PREPL: variants seen among roughly 807,000 people sequenced by gnomAD.
PREPL encodes the protein prolyl endopeptidase like.
Under a neutral mutation model 70.6 loss-of-function variants are expected in PREPL, and 77 were observed. The observed-to-expected ratio is 1.09, with a 90% CI of 0.91 to 1.32. The LOEUF (loss-of-function observed/expected upper bound fraction) is 1.32. Ranked by LOEUF, PREPL falls within the 40% of genes most tolerant of loss-of-function variation. The probability of loss-of-function intolerance (pLI) is 0.00; values close to 1 mark genes in which losing one functional copy is unlikely to be tolerated. For synonymous variants in PREPL, 315 were observed against 264.8 expected (o/e 1.19, Z -1.84); for missense variants, 1,002 against 778.2 (o/e 1.29, Z -3.42).
intron 8 of PREPL, among the ~76,000 whole-genome samples, chr2:44,332,063 C>T (rs936948181): frequency 4.6e-5 from 7 of 151,536 alleles, no homozygotes; most frequent in Admixed American, 3.3e-4. Context: ...TCTCCTGCCT[C>T]AGCCTCCCAA....
chr2:44,352,913 C>T (rs974089942), intron 1 of PREPL, among the ~76,000 whole-genome samples: 2 of 152,052 alleles, frequency 1.3e-5, no homozygotes, highest in African/African-American at 4.8e-5. Flanking sequence ...CAAGAATAGG[C>T]ATTCAAGAAG....
chr2:44,342,433 T>C lies in PREPL; in HGVS notation c.469A>G (p.Thr157Ala). 6.2e-7 allele frequency: 1 copy of C among 1,612,428 alleles called. No homozygotes were observed. Among genetic ancestry groups the C allele is most frequent in the South Asian group, 1.1e-5 (1 of 90,916 alleles). ...GDNKRNERFY[T>A]EKDPSYFVFL... ...TTCTAGTACCTTGGGTCTTTTTCTG[T>C]GTAAAAGCGTTCATTACGTTTGTTA... Residue 157 changes from threonine to alanine, a missense_variant, in exon 5 of 14, where the codon ACA becomes GCA. Coordinates refer to ENST00000409411, the MANE Select transcript of PREPL (RefSeq NM_001171613.2).
chr2:44,339,127 C>T lies in PREPL; in HGVS notation c.702+20G>A, dbSNP rs758296719. On this transcript the variant is annotated intron_variant, in intron 6 of 13. Transcript: ENST00000409411. The stretch of plus-strand genomic sequence containing the variant: ...CACTTCTTAACAGCCCAAATAGGAA[C>T]AACGAGCATCCAGGATTACCTTAAA... 5 of 1,612,244 alleles carry T rather than the reference C, an allele frequency of 3.1e-6. No homozygotes were observed. In the East Asian group the frequency reaches 8.9e-5, roughly 29 times the overall value.
At position 44,346,393 on chromosome 2, in the gene PREPL, G is replaced by A; in HGVS notation, c.-48-3C>T. 1 of 1,608,376 alleles carries A rather than the reference G, an allele frequency of 6.2e-7. No homozygotes were observed. Among genetic ancestry groups the A allele is most frequent in the Non-Finnish European group, 8.5e-7 (1 of 1,178,500 alleles). On this transcript the variant is annotated splice_polypyrimidine_tract_variant and splice_region_variant and intron_variant, in intron 1 of 13. Transcript: ENST00000409411. ...TCTTGTTTAACAGGCTGAAGATCCT[G>A]GAAAAAGTTTTGTTATGATCAAAAT...
intron 8 of PREPL, among the ~76,000 whole-genome samples, chr2:44,330,657 A>G (rs970061349): frequency 5.9e-5 from 9 of 152,076 alleles, no homozygotes; most frequent in African/African-American, 2.2e-4. Flanking sequence ...TAAATGAATT[A>G]AAGAAAAAAA....
intron 13 of PREPL, 81 bp downstream of exon 13, chr2:44,321,746 C>T (rs1339939176): frequency 1.9e-6 from 3 of 1,611,560 alleles, no homozygotes; most frequent in Admixed American, 1.7e-5. Context: ...TTGTCATAAA[C>T]CTGCTGCAAC....
intron 1 of PREPL, among the ~76,000 whole-genome samples, chr2:44,355,751 T>TTATATATATA (rs112927329): frequency 5.4e-4 from 76 of 141,354 alleles, no homozygotes; most frequent in African/African-American, 1.8e-3. Flanking sequence ...AAACTACATA[T>TTATATATATA]TATATATATA....
chr2:44,339,830 C>T (rs1030327302), intron 5 of PREPL, among the ~76,000 whole-genome samples: 13 of 152,028 alleles, frequency 8.6e-5, no homozygotes, highest in African/African-American at 1.2e-4. Flanking sequence ...AAAAGGGACA[C>T]GGAGTTATTT....
At chr2:44,357,725 T>G (rs1056036043) in intron 1 of PREPL, among the ~76,000 whole-genome samples, 1 of 152,166 alleles carries the variant, frequency 6.6e-6, no homozygotes, top group Non-Finnish European at 1.5e-5. Context: ...ATTTATAAAC[T>G]AAGTGTTAAG....
At chr2:44,348,693 T>C (rs928736437) in intron 1 of PREPL, among the ~76,000 whole-genome samples, 3 of 152,172 alleles carry the variant, frequency 2.0e-5, no homozygotes, top group Non-Finnish European at 1.5e-5. Flanking sequence ...TGAACCAAAA[T>C]AACTCTGAAA....
chr2:44,338,684 T>G, intron 6 of PREPL, 148 bp from the exon 7 acceptor site: 1 of 718,900 alleles, frequency 1.4e-6, no homozygotes. Context: ...GGATAAAGTG[T>G]GACCATCAAC....
rs761780527 is a variant in PREPL, at chr2:44,320,148, A to G, written c.*1208T>C. On this transcript the variant is annotated 3_prime_UTR_variant, in exon 14 of 14. Coordinates refer to ENST00000409411, the MANE Select transcript of PREPL (RefSeq NM_001171613.2). ...CTTACAATATATTAAAAATACTTAC[A>G]AACAATTCTTAGAATCAAACACTTA... 1 of 1,474,972 alleles carries G rather than the reference A, an allele frequency of 6.8e-7. No homozygotes were observed. Among genetic ancestry groups the G allele is most frequent in the Non-Finnish European group, 9.4e-7 (1 of 1,068,244 alleles). The allele number at this position is 1,474,972 out of a possible 1,614,324, so 91.4% of individuals were successfully genotyped here. A position where few individuals can be genotyped will look rare whatever the true frequency, so the allele number is the denominator to read the frequency against.
chr2:44,350,395 T>A (rs1022728888), intron 1 of PREPL, among the ~76,000 whole-genome samples: 5 of 152,050 alleles, frequency 3.3e-5, no homozygotes, highest in African/African-American at 7.2e-5. Flanking sequence ...AATCACACTT[T>A]AAAAAAATGA....
intron 7 of PREPL, among the ~76,000 whole-genome samples, chr2:44,336,360 T>A (rs927452273): frequency 6.6e-6 from 1 of 151,964 alleles, no homozygotes; most frequent in African/African-American, 2.4e-5. Context: ...TACACAGCCA[T>A]AAAAAAGAGA....
chr2:44,345,190 T>A (rs755552540), intron 2 of PREPL, among the ~76,000 whole-genome samples: 1 of 152,188 alleles, frequency 6.6e-6, no homozygotes, highest in Non-Finnish European at 1.5e-5. Flanking sequence ...ATGTAATTGA[T>A]TGGTTGATAT....
At position 44,320,871 on chromosome 2, in the gene PREPL, G is replaced by C; in HGVS notation, c.*485C>G. On this transcript the variant is annotated 3_prime_UTR_variant, in exon 14 of 14. Transcript: ENST00000409411. Reference sequence around the variant, plus strand: ...AACTTTATTCAGATAGCATCAATCAGGGATGACCAGAACACATTAGGACCC... The same window carrying C: ...AACTTTATTCAGATAGCATCAATCACGGATGACCAGAACACATTAGGACCC... The C allele has an allele frequency of 1.8e-6, 1 of 547,236 alleles. No homozygotes were observed. Among genetic ancestry groups the C allele is most frequent in the Non-Finnish European group, 3.3e-6 (1 of 306,352 alleles). 33.9% of individuals were successfully genotyped at this position (547,236 alleles called of 1,614,324 possible). A position where few individuals can be genotyped will look rare whatever the true frequency, so the allele number is the denominator to read the frequency against.
rs944822534 is a variant in PREPL, at chr2:44,317,927, A to G, written c.*3429T>C. On this transcript the variant is annotated 3_prime_UTR_variant, in exon 14 of 14. Transcript: ENST00000409411. Reference sequence around the variant, plus strand: ...CAGACATAAGAAACACTAACATAAAACACAAAGAATTAAAATGAAGATATA... The same window carrying G: ...CAGACATAAGAAACACTAACATAAAGCACAAAGAATTAAAATGAAGATATA... 5.5e-5 allele frequency: 14 copies of G among 252,844 alleles called. No homozygotes were observed. The Middle Eastern group carries it at 4.2e-3, about 75-fold the overall frequency. 15.7% of individuals were successfully genotyped at this position (252,844 alleles called of 1,614,324 possible). A position where few individuals can be genotyped will look rare whatever the true frequency, so the allele number is the denominator to read the frequency against.
intron 7 of PREPL, 76 bp from the exon 8 acceptor site, chr2:44,332,732 C>T: frequency 5.0e-6 from 6 of 1,206,142 alleles, no homozygotes; most frequent in Non-Finnish European, 6.9e-6. Context: ...TAAGTCTTCT[C>T]CAAACAAGAT....
chr2:44,339,867 T>G (rs17032145), intron 5 of PREPL, among the ~76,000 whole-genome samples: 9 of 152,104 alleles, frequency 5.9e-5, no homozygotes, highest in Non-Finnish European at 1.2e-4. Context: ...CTGCATGCAT[T>G]TTGGATTTTT....
Sources: gnomAD v4.1 joint callset for allele counts (sites outside exome capture counted in the v4.1 genomes callset) on GRCh38, gnomAD v4.1.1 for gene constraint, MANE v1.5 for transcripts, NCBI Gene and HGNC (gene_info 2026-07-23, HGNC 2026-07-21) for gene names.